Variants in DEGS2 observed in about 807,000 individuals in gnomAD.
The protein encoded by DEGS2 is sphingolipid delta(4)-desaturase/C4-monooxygenase DES2.
Under a neutral mutation model 23.8 loss-of-function variants are expected in DEGS2, and 19 were observed. That is an observed-to-expected ratio of 0.80 (90% CI 0.56 to 1.17). DEGS2 has a LOEUF of 1.17. Ranked by LOEUF, DEGS2 falls within the 50% of genes most tolerant of loss-of-function variation. The pLI is 0.00. For missense variants in DEGS2, 390 were observed against 459.5 expected (o/e 0.85, Z 1.38); for synonymous variants, 218 against 213.7 (o/e 1.02, Z -0.18).
At chr14:100,154,705 G>A (rs191184049) in intron 1 of DEGS2, among the ~76,000 whole-genome samples, 9 of 152,364 alleles carry the variant, frequency 5.9e-5, no homozygotes, top group Non-Finnish European at 1.3e-4. Context: ...ACCCTGGTGC[G>A]ACTCTGATGG....
chr14:100,159,390 GC>G (rs1386898430), intron 1 of DEGS2, 115 bp downstream of exon 1: 3 of 785,008 alleles, frequency 3.8e-6, no homozygotes, highest in Non-Finnish European at 5.5e-6. Context: ...ATGGCGGAAC[GC>G]CCACTGGAAT....
rs1406113345 is a variant in DEGS2, at chr14:100,146,716, G to A, written c.*45C>T. On this transcript the variant is annotated 3_prime_UTR_variant, in exon 3 of 3. Coordinates refer to ENST00000305631, the MANE Select transcript of DEGS2 (RefSeq NM_206918.3). ...TCTCAGTGCTGGGGTGCAAGGCTGA[G>A]GGGCCGATGGGGGACAATGGCCACC... 1 of 1,603,298 alleles carries A rather than the reference G, an allele frequency of 6.2e-7. No homozygotes were observed. The highest frequency in any genetic ancestry group is 8.5e-7 in the Non-Finnish European group (1 of 1,174,768).
chr14:100,160,076 C>T (rs1386863672), upstream of DEGS2: 1 of 152,742 alleles, frequency 6.5e-6, no homozygotes, highest in East Asian at 1.9e-4. Context: ...AGGGGGACTG[C>T]GGAGGATCGG....
intron 1 of DEGS2, among the ~76,000 whole-genome samples, chr14:100,157,565 C>T (rs1889677682): frequency 6.6e-6 from 1 of 152,212 alleles, no homozygotes; most frequent in African/African-American, 2.4e-5. Context: ...AGGAGTTCCA[C>T]AGCATACGGG....
chr14:100,166,330 TGGG>T, the DEGS2 span, among the ~76,000 whole-genome samples: 5 of 32,224 alleles, frequency 1.6e-4, no homozygotes, highest in Non-Finnish European at 2.2e-4. Flanking sequence ...CCCGGGGCTG[TGGG>T]GGAGCCTGCC....
chr14:100,154,971 A>G (rs917415054), intron 1 of DEGS2, among the ~76,000 whole-genome samples: 208 of 152,208 alleles, frequency 1.4e-3, no homozygotes, highest in African/African-American at 4.7e-3. Flanking sequence ...GGGGCCTCTT[A>G]TCTCTTCCAC....
rs1244896590 is a variant in DEGS2, at chr14:100,145,622, A to AG, written c.*1138dup. 1.3e-5 allele frequency: 2 copies of AG among 152,054 alleles called. No individual in the cohort carries two copies. Among genetic ancestry groups the AG allele is most frequent in the African/African-American group, 4.8e-5 (2 of 41,396 alleles). 9.4% of individuals were successfully genotyped at this position (152,054 alleles called of 1,614,324 possible). ...CCGCCTTCCCCAAGGCAGTGGTGGG[A>AG]GCTGCATCCACTGCTGGATTGCAGT... On this transcript the variant is annotated 3_prime_UTR_variant, in exon 3 of 3. Coordinates refer to ENST00000305631, the MANE Select transcript of DEGS2 (RefSeq NM_206918.3).
intron 1 of DEGS2, among the ~76,000 whole-genome samples, chr14:100,151,561 G>A (rs531840342): frequency 4.6e-5 from 7 of 152,324 alleles, no homozygotes; most frequent in East Asian, 3.9e-4. Flanking sequence ...CAGGGAGCCC[G>A]AGACACCCAC....
At chr14:100,150,387 A>AC (rs778863717) in intron 1 of DEGS2, among the ~76,000 whole-genome samples, 26,239 of 91,992 alleles carry the variant, frequency 0.29, 2,402 homozygotes, top group East Asian at 0.38. Flanking sequence ...CCACCCCAAC[A>AC]CCCCCCCCCG....
At chr14:100,160,508 A>C (rs1164321218), upstream of DEGS2, among the ~76,000 whole-genome samples, 1 of 152,222 alleles carries the variant, frequency 6.6e-6, no homozygotes, top group Non-Finnish European at 1.5e-5. Context: ...TGGGGAGGTA[A>C]GGGCACAGGG....
At position 100,159,610 on chromosome 14, in the gene DEGS2, G is replaced by A. The variant is rs947677399; in HGVS notation, c.-23C>T. 8.8e-6 allele frequency: 13 copies of A among 1,476,730 alleles called. No individual in the cohort carries two copies. The highest frequency in any genetic ancestry group is 1.3e-5 in the South Asian group (1 of 77,578). 91.5% of individuals were successfully genotyped at this position (1,476,730 alleles called of 1,614,324 possible). ...CATGGTGGGGCGGGAGGCGCCGTTC[G>A]GAGCGCGGCCGGCTCGGCTCTGCTG... On this transcript the variant is annotated 5_prime_UTR_variant, in exon 1 of 3. Coordinates refer to ENST00000305631, the MANE Select transcript of DEGS2 (RefSeq NM_206918.3).
chr14:100,156,121 C>G (rs74085170), intron 1 of DEGS2, among the ~76,000 whole-genome samples: 1 of 152,384 alleles, frequency 6.6e-6, no homozygotes, highest in African/African-American at 2.4e-5. Context: ...TTCCTGGATT[C>G]TGACTGTCAG....
At position 100,146,076 on chromosome 14, in the gene DEGS2, CAG is replaced by C. The variant is rs1451843705; in HGVS notation, c.*683_*684del. On this transcript the variant is annotated 3_prime_UTR_variant, in exon 3 of 3. Transcript: ENST00000305631. ...GGGGGCAAGGCAGGTGGTGTGGGCT[CAG>C]GGGGATGGGGGAGCCAGCCTCTGCG... The C allele has an allele frequency of 6.6e-6, 1 of 152,534 alleles. No individual in the cohort carries two copies. The highest frequency in any genetic ancestry group is 1.5e-5 in the Non-Finnish European group (1 of 68,292). 9.4% of individuals were successfully genotyped at this position (152,534 alleles called of 1,614,324 possible).
At chr14:100,163,702 G>A (rs1319651947), upstream of DEGS2, among the ~76,000 whole-genome samples, 2 of 152,032 alleles carry the variant, frequency 1.3e-5, no homozygotes, top group African/African-American at 4.8e-5. Context: ...ATTATAGCAG[G>A]TACTTATTTA....
the DEGS2 span, among the ~76,000 whole-genome samples, chr14:100,165,960 G>T: frequency 4.8e-4 from 48 of 100,906 alleles, no homozygotes; most frequent in Non-Finnish European, 1.1e-4. Flanking sequence ...CTGCCTGGGA[G>T]AGTGGGGGGA....
chr14:100,146,479 G>A lies in DEGS2; in HGVS notation c.*282C>T, dbSNP rs1289255141. 2 of 428,142 alleles carry A rather than the reference G, an allele frequency of 4.7e-6. No individual in the cohort carries two copies. The highest frequency in any genetic ancestry group is 8.4e-6 in the Non-Finnish European group (2 of 239,226). The allele number at this position is 428,142 out of a possible 1,614,324, so 26.5% of individuals were successfully genotyped here. ...GCACCCCGGAGAAGTCAGCTCCGTG[G>A]GAACCGTGGGCTCAGAGCACCCAGG... On this transcript the variant is annotated 3_prime_UTR_variant, in exon 3 of 3. Coordinates refer to ENST00000305631, the MANE Select transcript of DEGS2 (RefSeq NM_206918.3).
intron 1 of DEGS2, among the ~76,000 whole-genome samples, chr14:100,158,522 ACT>A (rs1889695631): frequency 6.6e-6 from 1 of 152,188 alleles, no homozygotes; most frequent in Admixed American, 6.5e-5. Context: ...AGATCGCGAG[ACT>A]CTGTCTCTAA....
In DEGS2 at chr14:100,146,639, C is replaced by T. The variant is rs2140417927; in HGVS notation, c.*122G>A. ...TGTTGCCAGGTGTGGCTGCGCGGGACACTCCTCGGGGACAAGGGCAGCAGT... is the reference window on the plus strand; with the variant it reads ...TGTTGCCAGGTGTGGCTGCGCGGGATACTCCTCGGGGACAAGGGCAGCAGT... On this transcript the variant is annotated 3_prime_UTR_variant, in exon 3 of 3. Coordinates refer to ENST00000305631, the MANE Select transcript of DEGS2 (RefSeq NM_206918.3). 5 of 1,413,828 alleles carry T rather than the reference C, an allele frequency of 3.5e-6. No individual in the cohort carries two copies. The South Asian group carries it at 4.0e-5, about 11-fold the overall frequency. The allele number at this position is 1,413,828 out of a possible 1,614,324, so 87.6% of individuals were successfully genotyped here.
chr14:100,162,829 G>A (rs1359338048), upstream of DEGS2, among the ~76,000 whole-genome samples: 1 of 152,176 alleles, frequency 6.6e-6, no homozygotes, highest in Non-Finnish European at 1.5e-5. Context: ...GAGCAGGATG[G>A]GCCTCCACCC....
Sources: gnomAD v4.1 joint callset for allele counts (sites outside exome capture counted in the v4.1 genomes callset) on GRCh38, gnomAD v4.1.1 for gene constraint, MANE v1.5 for transcripts, NCBI Gene and HGNC (gene_info 2026-07-23, HGNC 2026-07-21) for gene names.